PTPRN2: variants seen among roughly 807,000 people sequenced by gnomAD.
PTPRN2 encodes protein tyrosine phosphatase receptor type N2, also known as receptor-type tyrosine-protein phosphatase N2.
Under a neutral mutation model 118.8 loss-of-function variants are expected in PTPRN2, and 74 were observed. The ratio of observed to expected loss-of-function variants is 0.62; its 90% confidence interval spans 0.52 to 0.76. The LOEUF is 0.76. Ranked by LOEUF, PTPRN2 falls within the 30% of genes least tolerant of loss-of-function variation. The probability of loss-of-function intolerance (pLI) is 0.00; values close to 1 mark genes in which losing one functional copy is unlikely to be tolerated. For missense variants in PTPRN2, 1,481 were observed against 1,394.4 expected (o/e 1.06, Z -0.99); for synonymous variants, 641 against 608.0 (o/e 1.05, Z -0.80).
At chr7:158,044,816 C>T (rs573724904) in intron 11 of PTPRN2, among the ~76,000 whole-genome samples, 6 of 152,226 alleles carry the variant, frequency 3.9e-5, no homozygotes, top group South Asian at 2.1e-4. Context: ...GGTGCCAGTT[C>T]GGCGATGACT....
Position 157,953,248 on chromosome 7 carries a change from C to G in PTPRN2, c.1724-54511G>C, listed in dbSNP as rs1003869134. ...CCGTGTTCAATATGTGATGAGCTTT[C>G]GGGAAGGACAGGAGAGCCGGGTGTG... is the stretch of plus-strand genomic sequence containing the variant. On this transcript the variant is annotated intron_variant, in intron 11 of 22. Coordinates refer to ENST00000389418, the MANE Select transcript of PTPRN2 (RefSeq NM_002847.5). This position sits in a 1 kb window ranked among gnomAD's most constrained non-coding sequence, Gnocchi z 4.6. Among the ~76,000 whole-genome samples, 1 of 152,152 alleles carries G rather than the reference C, an allele frequency of 6.6e-6. No individual in the cohort carries two copies. Among genetic ancestry groups the G allele is most frequent in the African/African-American group, 2.4e-5 (1 of 41,454 alleles).
rs111983710 is a variant in PTPRN2 at position 158,145,041 on chromosome 7, C to T, written c.911-6526G>A. Reference sequence around the variant, plus strand: ...ATCGCGAGAAGGTTCCAGAATACCACGGCTCGGCAAGGTTTCCCTCACATC... The same window carrying T: ...ATCGCGAGAAGGTTCCAGAATACCATGGCTCGGCAAGGTTTCCCTCACATC... On this transcript the variant is annotated intron_variant, in intron 6 of 22. Coordinates refer to ENST00000389418, the MANE Select transcript of PTPRN2 (RefSeq NM_002847.5). Among the ~76,000 whole-genome samples the T allele has an allele frequency of 1.4e-4, 21 of 146,276 alleles. 1 individual carries two copies. Among genetic ancestry groups the T allele is most frequent in the Admixed American group, 1.0e-3 (15 of 14,762 alleles).
intron 3 of PTPRN2, among the ~76,000 whole-genome samples, chr7:158,210,922 AGAG>A (rs1280690141): frequency 6.6e-6 from 1 of 152,246 alleles, no homozygotes; most frequent in Non-Finnish European, 1.5e-5. Flanking sequence ...TCCAAAAGAT[AGAG>A]GAGGAGGAAA....
At chr7:158,371,835 G>A (rs181045778) in intron 2 of PTPRN2, among the ~76,000 whole-genome samples, 3 of 152,318 alleles carry the variant, frequency 2.0e-5, no homozygotes, top group Admixed American at 6.5e-5. Context: ...TTATAAAACA[G>A]ATAACGTGAC....
intron 5 of PTPRN2, among the ~76,000 whole-genome samples, chr7:158,171,308 C>CATATATAT (rs71198580): frequency 4.5e-4 from 22 of 48,632 alleles, no homozygotes; most frequent in Non-Finnish European, 6.7e-4. Flanking sequence ...TATATACACA[C>CATATATAT]ATATATATAT....
chr7:158,250,988 C>A (rs1456711561), intron 3 of PTPRN2, among the ~76,000 whole-genome samples: 2 of 151,474 alleles, frequency 1.3e-5, no homozygotes, highest in African/African-American at 4.9e-5. Flanking sequence ...TTGATTGTAA[C>A]AAGTACGGAA....
chr7:158,511,268 T>G (rs574033602), intron 1 of PTPRN2, among the ~76,000 whole-genome samples: 2 of 152,310 alleles, frequency 1.3e-5, no homozygotes, highest in Admixed American at 1.3e-4. Context: ...TACGCAATGC[T>G]ATTTGCACTT....
At chr7:157,718,871 C>T (rs1353211269) in intron 12 of PTPRN2, among the ~76,000 whole-genome samples, 1 of 152,222 alleles carries the variant, frequency 6.6e-6, no homozygotes, top group Non-Finnish European at 1.5e-5. Context: ...CTCAGACCCC[C>T]AAACCCACCT....
chr7:157,671,524 G>A lies in PTPRN2; in HGVS notation c.2001+11201C>T, dbSNP rs1049185582. Among the ~76,000 whole-genome samples the A allele has an allele frequency of 8.8e-6, 1 of 113,120 alleles. No individual in the cohort carries two copies. Among genetic ancestry groups the A allele is most frequent in the South Asian group, 2.4e-4 (1 of 4,208 alleles). The allele number at this position is 113,120 out of a possible 152,430, so 74.2% of individuals were successfully genotyped here. A position where few individuals can be genotyped will look rare whatever the true frequency, so the allele number is the denominator to read the frequency against. ...AGGGTCTGCAGGGATAAAGTGGGAGGGGGGGCGGTGCAACGGAGGGAGCCG... is the reference window on the plus strand; with the variant it reads ...AGGGTCTGCAGGGATAAAGTGGGAGAGGGGGCGGTGCAACGGAGGGAGCCG... On this transcript the variant is annotated intron_variant, in intron 13 of 22. Transcript: ENST00000389418. The surrounding 1 kb of genome is among the most constrained non-coding windows in gnomAD (Gnocchi z 4.1).
intron 1 of PTPRN2, among the ~76,000 whole-genome samples, chr7:158,512,560 T>TCACA (rs145355140): frequency 3.3e-5 from 5 of 150,982 alleles, no homozygotes; most frequent in East Asian, 1.9e-4. Context: ...ACATGCATAG[T>TCACA]CACACACACA....
intron 3 of PTPRN2, among the ~76,000 whole-genome samples, chr7:158,299,565 G>C (rs1367403545): frequency 6.6e-6 from 1 of 152,126 alleles, no homozygotes; most frequent in South Asian, 2.1e-4. Flanking sequence ...CAGAGTGCTG[G>C]GATTACATGT....
At chr7:158,460,183 C>T (rs1183426848) in intron 2 of PTPRN2, among the ~76,000 whole-genome samples, 2 of 93,356 alleles carry the variant, frequency 2.1e-5, no homozygotes, top group African/African-American at 8.9e-5. Context: ...GTGCCGTGAG[C>T]ACAGGAGGGT....
chr7:158,273,456 A>G (rs918315500), intron 3 of PTPRN2, among the ~76,000 whole-genome samples: 1 of 149,936 alleles, frequency 6.7e-6, no homozygotes, highest in African/African-American at 2.5e-5. Flanking sequence ...GAGGAGCCGC[A>G]GACGCAGGGG....
chr7:157,762,963 C>A (rs1802232253), intron 12 of PTPRN2, among the ~76,000 whole-genome samples: 1 of 152,132 alleles, frequency 6.6e-6, no homozygotes, highest in Admixed American at 6.5e-5. Flanking sequence ...TCCATCAGAG[C>A]CCACAGCCGC....
intron 11 of PTPRN2, among the ~76,000 whole-genome samples, chr7:158,046,450 G>A (rs1026305861): frequency 4.6e-5 from 7 of 151,644 alleles, no homozygotes; most frequent in South Asian, 2.1e-4. Context: ...CTGACGCTGC[G>A]ATCCTGGCAT....
At chr7:157,562,103 A>G (rs2150494484) in intron 21 of PTPRN2, among the ~76,000 whole-genome samples, 1 of 152,302 alleles carries the variant, frequency 6.6e-6, no homozygotes, top group East Asian at 1.9e-4. Flanking sequence ...TCCTGGAGCC[A>G]AAGGAGGCAG....
At chr7:157,889,121 A>G (rs1044953848) in intron 12 of PTPRN2, among the ~76,000 whole-genome samples, 10 of 152,192 alleles carry the variant, frequency 6.6e-5, no homozygotes, top group African/African-American at 2.2e-4. Context: ...CCACTGAGAA[A>G]AATAAAGTCC....
intron 2 of PTPRN2, among the ~76,000 whole-genome samples, chr7:158,464,578 T>C: frequency 6.6e-6 from 1 of 150,532 alleles, no homozygotes; most frequent in African/African-American, 2.5e-5. Flanking sequence ...CACTTCATCA[T>C]CACCGTCATC....
At chr7:157,886,249 T>G (rs1303442992) in intron 12 of PTPRN2, among the ~76,000 whole-genome samples, 1 of 152,146 alleles carries the variant, frequency 6.6e-6, no homozygotes, top group East Asian at 1.9e-4. Flanking sequence ...CTCCGTTTCT[T>G]CAGCGGGAGA....
Sources: gnomAD v4.1 joint callset for allele counts (sites outside exome capture counted in the v4.1 genomes callset) on GRCh38, gnomAD v4.1.1 for gene constraint, Gnocchi (gnomAD v3.1) non-coding constraint, MANE v1.5 for transcripts, NCBI Gene and HGNC (gene_info 2026-07-23, HGNC 2026-07-21) for gene names.